FGD1: variants seen among roughly 807,000 people sequenced by gnomAD.
The protein encoded by FGD1 is FYVE, RhoGEF and PH domain containing 1.
FGD1 carries 12 observed loss-of-function variants against 65.0 expected under a neutral mutation model. The ratio of observed to expected loss-of-function variants is 0.18; its 90% CI spans 0.12 to 0.30. FGD1 has a LOEUF of 0.30. Ranked by LOEUF, FGD1 falls within the 10% of genes least tolerant of loss-of-function variation. The probability of loss-of-function intolerance (pLI) is 1.00; values close to 1 mark genes in which losing one functional copy is unlikely to be tolerated. For synonymous variants in FGD1, 333 were observed against 343.9 expected, an observed-to-expected ratio of 0.97 and a Z score of 0.35; for missense variants, 542 against 837.6, an observed-to-expected ratio of 0.65 and a Z score of 4.36.
rs143172133 is a variant in FGD1, at chrX:54,491,217, A to G, written c.307+3909T>C. 8.0e-3 allele frequency among the ~76,000 whole-genome samples: 886 copies of G among 110,615 alleles called. 4 individuals are homozygous for G. The highest frequency in any genetic ancestry group is 0.051 in the Middle Eastern group (11 of 215). ...CTCCATGTTCTTCTCTAGCTCTACAACCCTTTATTGACACCCCTCTAGAAC... is the reference window on the plus strand; with the variant it reads ...CTCCATGTTCTTCTCTAGCTCTACAGCCCTTTATTGACACCCCTCTAGAAC... On this transcript the variant is annotated intron_variant, in intron 1 of 17. Transcript: ENST00000375135.
At chrX:54,474,816 C>A (rs189279448) in intron 1 of FGD1, among the ~76,000 whole-genome samples, 10 of 112,514 alleles carry the variant, frequency 8.9e-5, no homozygotes, top group Non-Finnish European at 1.9e-4. Context: ...AGCCAGGCAC[C>A]CTGCCATGCA....
chrX:54,470,398 T>C lies in FGD1; in HGVS notation c.719A>G (p.Glu240Gly). 1 of 1,209,440 alleles carries C rather than the reference T, an allele frequency of 8.3e-7. No individual in the cohort carries two copies. The highest frequency in any genetic ancestry group is 1.1e-6 in the Non-Finnish European group (1 of 895,132). Reference protein sequence around the residue: ...PVPGPSPGPPEPVMLPQPTSQ... With the variant: ...PVPGPSPGPPGPVMLPQPTSQ... ...GGTTGGCTGTGGCAACATGACTGGCTCTGGGGGACCTGGGCTGGGGCCAGG... is the reference window on the plus strand; with the variant it reads ...GGTTGGCTGTGGCAACATGACTGGCCCTGGGGGACCTGGGCTGGGGCCAGG... The change falls in exon 4 of 18, where the codon GAG becomes GGG. Residue 240 changes from glutamate to glycine, a missense_variant. By Grantham distance (98) the Glu-to-Gly change is moderately conservative (BLOSUM62 -2). Transcript: ENST00000375135.
Position 54,455,747 on chromosome X carries a change from C to A in FGD1, c.1880G>T (p.Arg627Leu). The A allele has an allele frequency of 8.4e-7, 1 of 1,189,258 alleles. No individual in the cohort carries two copies. The stretch of plus-strand genomic sequence containing the variant: ...CACGCTAAACTTCTGGCCAAGGAGC[C>A]GCAGCCTGGGCACGCAGTAAAGGAG... Reference protein sequence around the residue: ...DRLLYCVPRLRLLGQKFSVRA... With the variant: ...DRLLYCVPRLLLLGQKFSVRA... The change falls in exon 11 of 18, where the codon CGG becomes CTG. Residue 627 changes from arginine (R) to leucine (L), a missense_variant. By Grantham distance (102) the Arg-to-Leu change is moderately radical. Coordinates refer to ENST00000375135, the MANE Select transcript of FGD1 (RefSeq NM_004463.3).
In FGD1 at chrX:54,449,646, C is replaced by T. The variant is rs1569540998; in HGVS notation, c.2148+13G>A. 7 of 1,119,492 alleles carry T rather than the reference C, an allele frequency of 6.3e-6. No homozygotes were observed. Among genetic ancestry groups the T allele is most frequent in the East Asian group, 3.0e-5 (1 of 33,221 alleles). 92.3% of individuals were successfully genotyped at this position (1,119,492 alleles called of 1,213,427 possible). On this transcript the variant is annotated intron_variant, in intron 14 of 17. Coordinates refer to ENST00000375135, the MANE Select transcript of FGD1 (RefSeq NM_004463.3). The stretch of plus-strand genomic sequence containing the variant: ...GGGTCCCAGTGCAGGGGAAAGAGGG[C>T]GGGGACTCTTACTGGAGAGTTGGGT...
chrX:54,481,786 T>G (rs1923148090), intron 1 of FGD1, among the ~76,000 whole-genome samples: 1 of 107,181 alleles, frequency 9.3e-6, no homozygotes, highest in African/African-American at 3.4e-5. Flanking sequence ...GTGTGGATAT[T>G]GGGTGGGGAG....
chrX:54,466,466 A>G (rs1203829934), intron 6 of FGD1, among the ~76,000 whole-genome samples: 1 of 111,766 alleles, frequency 8.9e-6, no homozygotes, highest in East Asian at 2.8e-4. Flanking sequence ...AGGGAGAGAC[A>G]TGGTCTGACT....
At chrX:54,460,476 C>T (rs753844955) in intron 8 of FGD1, among the ~76,000 whole-genome samples, 7 of 111,785 alleles carry the variant, frequency 6.3e-5, no homozygotes, top group African/African-American at 6.5e-5. Flanking sequence ...GGTGCGGTGG[C>T]GCACGCCTGT....
In FGD1 at chrX:54,455,721, G is replaced by A; in HGVS notation, c.1906C>T (p.Arg636Trp). ...ATGCCATCTACATCAATGCGTGCCC[G>A]CACGCTAAACTTCTGGCCAAGGAGC... ...LRLLGQKFSV[R>W]ARIDVDGMEL... Residue 636 changes from arginine (R) to tryptophan (W), a missense_variant, in exon 11 of 18, where the codon CGG becomes TGG. Physicochemically the swap from Arg to Trp is moderately radical, Grantham distance 101. Around this residue, in one of 6 missense-constraint regions of FGD1, gnomAD observed 182 missense variants for 311.4 expected, o/e 0.58. Coordinates refer to ENST00000375135, the MANE Select transcript of FGD1 (RefSeq NM_004463.3). 1 of 1,192,443 alleles carries A rather than the reference G, an allele frequency of 8.4e-7. No homozygotes were observed. Among genetic ancestry groups the A allele is most frequent in the Non-Finnish European group, 1.1e-6 (1 of 884,406 alleles).
chrX:54,482,236 G>GCACACACA (rs759070309), intron 1 of FGD1, among the ~76,000 whole-genome samples: 2,130 of 99,339 alleles, frequency 0.021, 25 homozygotes, highest in Admixed American at 0.061. Context: ...GCACACGCGC[G>GCACACACA]CACACACACA....
intron 8 of FGD1, among the ~76,000 whole-genome samples, chrX:54,461,199 G>T: frequency 9.0e-6 from 1 of 111,440 alleles, no homozygotes; most frequent in Non-Finnish European, 1.9e-5. Context: ...GCTCAATGTG[G>T]ACATGGGACT....
At chrX:54,478,643 A>G (rs909206927) in intron 1 of FGD1, among the ~76,000 whole-genome samples, 3 of 110,985 alleles carry the variant, frequency 2.7e-5, no homozygotes, top group African/African-American at 9.8e-5. Context: ...GAAGGACAAT[A>G]ATAGCAGTTC....
At chrX:54,489,882 T>C (rs766543258) in intron 1 of FGD1, among the ~76,000 whole-genome samples, 4 of 112,158 alleles carry the variant, frequency 3.6e-5, no homozygotes, top group Non-Finnish European at 7.5e-5. Context: ...CACATGCATA[T>C]GTATGTTCAT....
chrX:54,493,412 T>G (rs1923458002), intron 1 of FGD1, among the ~76,000 whole-genome samples: 1 of 111,426 alleles, frequency 9.0e-6, no homozygotes, highest in Non-Finnish European at 1.9e-5. Flanking sequence ...ACACATACAA[T>G]AAGATAATTT....
chrX:54,460,824 GATGGGC>G (rs1227324796), intron 8 of FGD1, among the ~76,000 whole-genome samples: 2 of 112,500 alleles, frequency 1.8e-5, no homozygotes, highest in Non-Finnish European at 3.8e-5. Flanking sequence ...ATTTTAGAGG[GATGGGC>G]ATTAGCCAGT....
At chrX:54,459,523 T>C (rs1451106739) in intron 8 of FGD1, among the ~76,000 whole-genome samples, 2 of 110,329 alleles carry the variant, frequency 1.8e-5, no homozygotes, top group Non-Finnish European at 3.8e-5. Flanking sequence ...GGGTCCAGGC[T>C]CCAGAGTGCA....
rs1374240532 is a variant in FGD1 at position 54,470,247 on chromosome X, C to T, written c.870G>A (p.Ser290=). ...AGCAGGTCTCCTCGCTGTTGGATGGCGAGCTGATGCTATCAATGCCGCTGT... is the reference window on the plus strand; with the variant it reads ...AGCAGGTCTCCTCGCTGTTGGATGGTGAGCTGATGCTATCAATGCCGCTGT... ...NRDSGIDSIS[S]PSNSEETCFV... Residue 290 remains serine (S), a synonymous_variant, in exon 4 of 18, where the codon TCG becomes TCA. Transcript: ENST00000375135. The T allele has an allele frequency of 1.7e-6, 2 of 1,203,954 alleles. No homozygotes were observed. The highest frequency in any genetic ancestry group is 3.6e-5 in the South Asian group (2 of 55,572).
At chrX:54,486,860 G>A (rs917521092) in intron 1 of FGD1, among the ~76,000 whole-genome samples, 10 of 106,265 alleles carry the variant, frequency 9.4e-5, no homozygotes, top group East Asian at 6.5e-4. Context: ...GGTGGTGTGC[G>A]CCTGTAATCC....
intron 8 of FGD1, among the ~76,000 whole-genome samples, chrX:54,464,823 T>A (rs1192185304): frequency 1.8e-5 from 2 of 110,158 alleles, no homozygotes; most frequent in Non-Finnish European, 3.8e-5. Context: ...ATTTGGAGGT[T>A]CTTTTGGGAG....
chrX:54,463,500 T>TTGC (rs1922685112), intron 8 of FGD1, among the ~76,000 whole-genome samples: 1 of 112,079 alleles, frequency 8.9e-6, no homozygotes, highest in African/African-American at 3.2e-5. Flanking sequence ...AAAAGGCTTC[T>TTGC]AACTGATCTC....
Sources: allele counts gnomAD v4.1 joint callset (sites outside exome capture counted in the v4.1 genomes callset), GRCh38; gene constraint gnomAD v4.1.1; regional missense constraint gnomAD v4.1.1; transcripts MANE v1.5; gene names NCBI Gene and HGNC (gene_info 2026-07-23, HGNC 2026-07-21).